Variants in GABBR2 observed in about 807,000 individuals in gnomAD.
GABBR2 encodes gamma-aminobutyric acid type B receptor subunit 2.
Under a neutral mutation model 105.6 loss-of-function variants are expected in GABBR2, and 23 were observed. The observed-to-expected ratio is 0.22, with a 90% CI of 0.16 to 0.31. The LOEUF (loss-of-function observed/expected upper bound fraction) is 0.31. Among genes scored for constraint, GABBR2 ranks in the 10% least tolerant of loss-of-function variants. The probability of loss-of-function intolerance (pLI) is 1.00; values close to 1 mark genes in which losing one functional copy is unlikely to be tolerated. For missense variants in GABBR2, 734 were observed against 1,245.5 expected (o/e 0.59, Z 6.18); for synonymous variants, 478 against 499.7 (o/e 0.96, Z 0.58).
chr9:98,511,571 G>C (rs1827645703), intron 3 of GABBR2, among the ~76,000 whole-genome samples: 1 of 151,106 alleles, frequency 6.6e-6, no homozygotes, highest in African/African-American at 2.4e-5. Flanking sequence ...ATGATAAAGG[G>C]GATATCACCA....
chr9:98,331,759 G>T (rs1176425269), intron 13 of GABBR2, among the ~76,000 whole-genome samples: 4 of 152,204 alleles, frequency 2.6e-5, no homozygotes, highest in African/African-American at 9.7e-5. Context: ...GCCAGTGAGT[G>T]TGGGTGGGGC....
chr9:98,601,079 G>A (rs932188871), intron 1 of GABBR2, among the ~76,000 whole-genome samples: 2 of 152,128 alleles, frequency 1.3e-5, no homozygotes, highest in African/African-American at 4.8e-5. Context: ...TCCACCCTGT[G>A]CCCCACTGAC....
At chr9:98,584,581 GA>G (rs1398518999) in intron 1 of GABBR2, among the ~76,000 whole-genome samples, 3 of 152,020 alleles carry the variant, frequency 2.0e-5, no homozygotes, top group Non-Finnish European at 4.4e-5. Flanking sequence ...ATTTTCAAAT[GA>G]AAAAGTGAGG....
chr9:98,304,741 C>T (rs1235287456), intron 15 of GABBR2, among the ~76,000 whole-genome samples: 1 of 152,196 alleles, frequency 6.6e-6, no homozygotes, highest in African/African-American at 2.4e-5. Context: ...AGTAACCCCT[C>T]CCAGCTTTGC....
intron 13 of GABBR2, among the ~76,000 whole-genome samples, chr9:98,344,939 C>T (rs1408252630): frequency 6.6e-6 from 1 of 152,168 alleles, no homozygotes; most frequent in Non-Finnish European, 1.5e-5. Context: ...CCTCAGGTGA[C>T]TCAAACTTAT....
At chr9:98,597,713 G>C (rs1444609407) in intron 1 of GABBR2, among the ~76,000 whole-genome samples, 1 of 152,188 alleles carries the variant, frequency 6.6e-6, no homozygotes, top group African/African-American at 2.4e-5. Context: ...GAAATTTCCA[G>C]CAATGCACTC....
chr9:98,669,609 G>A (rs1830381621), intron 1 of GABBR2, among the ~76,000 whole-genome samples: 1 of 152,082 alleles, frequency 6.6e-6, no homozygotes, highest in Non-Finnish European at 1.5e-5. Context: ...AATTAACATA[G>A]CTTTATAAGT....
At chr9:98,472,981 G>A (rs1826715269) in intron 6 of GABBR2, among the ~76,000 whole-genome samples, 165 bp downstream of exon 6, 1 of 152,082 alleles carries the variant, frequency 6.6e-6, no homozygotes. Context: ...GTAAGCAGTG[G>A]AGGGTTGTAC....
intron 9 of GABBR2, among the ~76,000 whole-genome samples, chr9:98,389,918 A>C (rs1178664981): frequency 6.6e-6 from 1 of 152,110 alleles, no homozygotes; most frequent in Non-Finnish European, 1.5e-5. Context: ...GATGTTACAA[A>C]GTAGCCAAGC....
chr9:98,413,741 C>T (rs1832631771), intron 7 of GABBR2, among the ~76,000 whole-genome samples: 1 of 152,136 alleles, frequency 6.6e-6, no homozygotes, highest in Admixed American at 6.5e-5. Context: ...AGTGACCCTC[C>T]ACAAAGCATG....
intron 7 of GABBR2, among the ~76,000 whole-genome samples, chr9:98,443,331 C>T (rs1391279017): frequency 6.6e-6 from 1 of 152,164 alleles, no homozygotes; most frequent in African/African-American, 2.4e-5. Flanking sequence ...TATTTTTTCC[C>T]TGACTTGATG....
chr9:98,515,556 C>T (rs947073797), intron 3 of GABBR2, among the ~76,000 whole-genome samples: 1 of 152,122 alleles, frequency 6.6e-6, no homozygotes, highest in African/African-American at 2.4e-5. Flanking sequence ...CACTGGCTCC[C>T]TTCTTCTAGG....
intron 1 of GABBR2, among the ~76,000 whole-genome samples, chr9:98,646,156 G>A (rs925896060): frequency 2.0e-5 from 3 of 152,198 alleles, no homozygotes; most frequent in Admixed American, 6.5e-5. Context: ...GACTTCAAGA[G>A]AGTTCCCACT....
intron 7 of GABBR2, 36 bp from the exon 8 acceptor site, chr9:98,406,177 A>G: frequency 7.5e-7 from 1 of 1,342,138 alleles, no homozygotes; most frequent in Non-Finnish European, 1.0e-6. Context: ...ACAAGAATAA[A>G]AGAGAAATGC....
At chr9:98,341,039 C>A (rs1380463063) in intron 13 of GABBR2, among the ~76,000 whole-genome samples, 1 of 152,216 alleles carries the variant, frequency 6.6e-6, no homozygotes, top group Non-Finnish European at 1.5e-5. Flanking sequence ...AGCTTCAGGG[C>A]TGGCCCTGGT....
chr9:98,663,254 G>A (rs1830289850), intron 1 of GABBR2, among the ~76,000 whole-genome samples: 1 of 151,140 alleles, frequency 6.6e-6, no homozygotes, highest in South Asian at 2.1e-4. Context: ...ACAGGCAGGG[G>A]TGGGGTGGGG....
intron 14 of GABBR2, among the ~76,000 whole-genome samples, chr9:98,310,229 A>G (rs934834828): frequency 2.6e-5 from 4 of 152,026 alleles, no homozygotes; most frequent in African/African-American, 9.7e-5. Context: ...GAATTTCACA[A>G]CGTGGGCTTG....
At chr9:98,505,635 A>G (rs940530398) in intron 3 of GABBR2, among the ~76,000 whole-genome samples, 9 of 152,232 alleles carry the variant, frequency 5.9e-5, no homozygotes, top group African/African-American at 2.2e-4. Context: ...ATCATCCTGG[A>G]TAAATCCAAT....
chr9:98,446,293 A>T (rs567043521), intron 7 of GABBR2, among the ~76,000 whole-genome samples: 160 of 152,320 alleles, frequency 1.1e-3, no homozygotes, highest in Non-Finnish European at 6.5e-4. Context: ...AATAATGATG[A>T]TGTAGTTCTT....
Sources: gnomAD v4.1 joint callset for allele counts (sites outside exome capture counted in the v4.1 genomes callset) on GRCh38, gnomAD v4.1.1 for gene constraint, MANE v1.5 for transcripts, NCBI Gene and HGNC (gene_info 2026-07-23, HGNC 2026-07-21) for gene names.